The following EYS variants were observed in gnomAD, a reference collection of about 807,000 sequenced individuals.
The protein encoded by EYS is EGF-like photoreceptor maintenance factor, also known as protein eyes shut homolog.
Under a neutral mutation model 282.1 loss-of-function variants are expected in EYS, and 250 were observed. The observed-to-expected ratio is 0.89, with a 90% confidence interval of 0.80 to 0.98. EYS has a LOEUF of 0.98. EYS is among the 50% of genes least tolerant of loss of function. The probability of loss-of-function intolerance (pLI) is 0.00; values close to 1 mark genes in which losing one functional copy is unlikely to be tolerated. For synonymous variants in EYS, 1,355 were observed against 1,282.9 expected (o/e 1.06, Z -1.20); for missense variants, 4,016 against 3,709.0 (o/e 1.08, Z -2.15).
chr6:63,867,521 G>T (rs186490938), intron 35 of EYS, among the ~76,000 whole-genome samples: 340 of 152,260 alleles, frequency 2.2e-3, no homozygotes, highest in African/African-American at 7.8e-3. Flanking sequence ...TCCAAAGTTT[G>T]TTGTGCACCT....
chr6:64,146,309 A>G (rs1774516422), intron 31 of EYS, among the ~76,000 whole-genome samples: 1 of 152,216 alleles, frequency 6.6e-6, no homozygotes, highest in Non-Finnish European at 1.5e-5. Context: ...CAAAACATGA[A>G]TGTGTCACCA....
At chr6:64,346,626 A>T (rs1771409387) in intron 29 of EYS, among the ~76,000 whole-genome samples, 1 of 151,816 alleles carries the variant, frequency 6.6e-6, no homozygotes, top group Admixed American at 6.6e-5. Context: ...TGGGTGCAGT[A>T]CACCAACATG....
chr6:64,998,642 G>C (rs1300680498), intron 13 of EYS, among the ~76,000 whole-genome samples: 1 of 152,100 alleles, frequency 6.6e-6, no homozygotes, highest in Non-Finnish European at 1.5e-5. Context: ...TTTTACTTCT[G>C]TTTTACTTTC....
At chr6:65,284,191 A>T (rs1420574735) in intron 12 of EYS, among the ~76,000 whole-genome samples, 2 of 152,106 alleles carry the variant, frequency 1.3e-5, no homozygotes, top group Non-Finnish European at 2.9e-5. Flanking sequence ...CTAGCCACAA[A>T]CTTTGGGGAA....
intron 41 of EYS, among the ~76,000 whole-genome samples, chr6:63,750,903 C>T (rs758862558): frequency 2.0e-4 from 31 of 152,164 alleles, no homozygotes; most frequent in Non-Finnish European, 4.4e-4. Context: ...GCTTCCTAGT[C>T]TATCTATGCT....
chr6:65,005,279 T>A (rs1771606486), intron 13 of EYS, among the ~76,000 whole-genome samples: 1 of 147,950 alleles, frequency 6.8e-6, no homozygotes, highest in East Asian at 2.1e-4. Flanking sequence ...GCGTTCATCC[T>A]AATCGAGCTG....
chr6:65,563,511 T>A (rs1303339100), intron 2 of EYS, among the ~76,000 whole-genome samples: 1 of 152,116 alleles, frequency 6.6e-6, no homozygotes, highest in Non-Finnish European at 1.5e-5. Context: ...TTATAAAGCA[T>A]AGTATCTCTT....
intron 22 of EYS, among the ~76,000 whole-genome samples, chr6:64,757,497 A>C (rs571537134): frequency 6.6e-6 from 1 of 152,174 alleles, no homozygotes; most frequent in East Asian, 1.9e-4. Context: ...TGACTGTGTG[A>C]GTGAATAGTA....
At chr6:65,535,577 A>G (rs1305706462) in intron 2 of EYS, among the ~76,000 whole-genome samples, 1 of 152,132 alleles carries the variant, frequency 6.6e-6, no homozygotes. Flanking sequence ...AGTCTCAGGT[A>G]TGTCTTTATT....
chr6:65,005,395 G>T (rs1771611325), intron 13 of EYS, among the ~76,000 whole-genome samples: 1 of 147,484 alleles, frequency 6.8e-6, no homozygotes, highest in Admixed American at 6.7e-5. Flanking sequence ...GAATCCGTGA[G>T]GCCAAGAGCC....
intron 19 of EYS, among the ~76,000 whole-genome samples, chr6:64,842,897 T>C (rs1195937437): frequency 6.6e-6 from 1 of 152,084 alleles, no homozygotes; most frequent in Non-Finnish European, 1.5e-5. Flanking sequence ...GAAAACCCCA[T>C]TTTTTGAGGA....
chr6:65,071,403 A>T (rs1773899046), intron 12 of EYS, among the ~76,000 whole-genome samples: 1 of 151,852 alleles, frequency 6.6e-6, no homozygotes, highest in Admixed American at 6.6e-5. Flanking sequence ...TCAGAATGGG[A>T]CTATTCCATA....
intron 32 of EYS, among the ~76,000 whole-genome samples, chr6:64,074,513 G>T (rs910876560): frequency 6.6e-6 from 1 of 151,228 alleles, no homozygotes. Flanking sequence ...TGTTTATATG[G>T]TACCACTCCC....
chr6:65,119,400 A>G (rs1217652658), intron 12 of EYS, among the ~76,000 whole-genome samples: 2 of 152,198 alleles, frequency 1.3e-5, no homozygotes, highest in African/African-American at 2.4e-5. Context: ...AGAAACAGCA[A>G]TAGAACTGGT....
At chr6:63,975,985 T>A (rs1288935728) in intron 35 of EYS, among the ~76,000 whole-genome samples, 1 of 152,044 alleles carries the variant, frequency 6.6e-6, no homozygotes, top group Non-Finnish European at 1.5e-5. Context: ...TGAGCTATAA[T>A]ACAGATCTGT....
chr6:64,217,396 G>C (rs1765964874), intron 31 of EYS, among the ~76,000 whole-genome samples: 1 of 152,080 alleles, frequency 6.6e-6, no homozygotes, highest in South Asian at 2.1e-4. Context: ...GGGCATGGTG[G>C]TGGGTTCCTG....
intron 26 of EYS, among the ~76,000 whole-genome samples, chr6:64,451,752 C>A (rs888919405): frequency 6.6e-6 from 1 of 152,136 alleles, no homozygotes; most frequent in African/African-American, 2.4e-5. Context: ...GAACCAACGA[C>A]AAAAACCACA....
rs564942234 is a variant in EYS at position 64,546,070 on chromosome 6, C to A, written c.5644+44153G>T. ...AATGAGCCCGCATTGCCAAGTCAAT[C>A]CTAAGCCAAAAGAACAAAGCTGGAG... is the stretch of plus-strand genomic sequence containing the variant. On this transcript the variant is annotated intron_variant, in intron 26 of 42. Coordinates refer to ENST00000503581, the MANE Select transcript of EYS (RefSeq NM_001142800.2). 2.0e-5 allele frequency among the ~76,000 whole-genome samples: 3 copies of A among 152,250 alleles called. No homozygotes were observed. In the South Asian group the frequency reaches 6.2e-4, roughly 32 times the overall value.
chr6:64,837,195 C>G (rs768619467), intron 19 of EYS, among the ~76,000 whole-genome samples: 3 of 108,584 alleles, frequency 2.8e-5, no homozygotes, highest in Non-Finnish European at 6.5e-5. Flanking sequence ...CATTTTTTAT[C>G]TTGTACATGT....
Sources: gnomAD v4.1 joint callset for allele counts (sites outside exome capture counted in the v4.1 genomes callset) on GRCh38, gnomAD v4.1.1 for gene constraint, MANE v1.5 for transcripts, NCBI Gene and HGNC (gene_info 2026-07-23, HGNC 2026-07-21) for gene names.